Variants in SV2C observed in about 807,000 individuals in gnomAD.
SV2C encodes the protein solute carrier family 22 member B3.
In SV2C, 49 loss-of-function variants were observed where a neutral mutation model predicts 79.7. That is an observed-to-expected ratio of 0.61 (90% confidence interval 0.49 to 0.78). The LOEUF is 0.78. SV2C is among the 30% of genes least tolerant of loss of function. The probability of loss-of-function intolerance (pLI) is 0.00; values close to 1 mark genes in which losing one functional copy is unlikely to be tolerated. For missense variants in SV2C, 833 were observed against 912.9 expected (o/e 0.91, Z 1.13); for synonymous variants, 334 against 333.2 (o/e 1.00, Z -0.03).
the SV2C span, among the ~76,000 whole-genome samples, chr5:75,889,172 G>A: frequency 6.6e-6 from 1 of 151,482 alleles, no homozygotes; most frequent in African/African-American, 2.4e-5. Context: ...GTGGCATGGT[G>A]GTTTGCTGCA....
chr5:76,025,152 C>T, the SV2C span, among the ~76,000 whole-genome samples: 1,127 of 150,132 alleles, frequency 7.5e-3, 18 homozygotes, highest in African/African-American at 0.027. Context: ...AACACAAAAA[C>T]AGCTCACATG....
At chr5:76,029,019 T>A in the SV2C span, among the ~76,000 whole-genome samples, 2 of 152,064 alleles carry the variant, frequency 1.3e-5, no homozygotes, top group Non-Finnish European at 2.9e-5. Flanking sequence ...GGCTGTGGAG[T>A]GAACAAATGA....
At chr5:76,069,420 C>T in the SV2C span, among the ~76,000 whole-genome samples, 1 of 152,304 alleles carries the variant, frequency 6.6e-6, no homozygotes, top group African/African-American at 2.4e-5. Context: ...TTCAGTCAAG[C>T]CTCTGACATC....
chr5:75,995,399 G>A, the SV2C span, among the ~76,000 whole-genome samples: 1 of 152,022 alleles, frequency 6.6e-6, no homozygotes, highest in Admixed American at 6.6e-5. Flanking sequence ...AGATTTCAGA[G>A]GTTTTAAAGA....
chr5:76,287,126 A>G (rs1747383140), intron 6 of SV2C, among the ~76,000 whole-genome samples: 1 of 152,208 alleles, frequency 6.6e-6, no homozygotes, highest in South Asian at 2.1e-4. Context: ...GGCCAATTTT[A>G]TCTTGTTCTA....
chr5:76,121,620 T>G (rs1002940109), intron 1 of SV2C, among the ~76,000 whole-genome samples: 3 of 150,576 alleles, frequency 2.0e-5, no homozygotes, highest in South Asian at 2.1e-4. Context: ...ATTTATTAAA[T>G]AGGGAATCCT....
At chr5:76,334,525 T>C (rs1280750967), downstream of SV2C, among the ~76,000 whole-genome samples, 1 of 152,200 alleles carries the variant, frequency 6.6e-6, no homozygotes, top group Non-Finnish European at 1.5e-5. Flanking sequence ...ATAACATCAT[T>C]GGAGACCCAG....
intron 2 of SV2C, among the ~76,000 whole-genome samples, chr5:76,156,131 G>A (rs1013077210): frequency 4.6e-5 from 7 of 152,050 alleles, no homozygotes; most frequent in African/African-American, 1.7e-4. Flanking sequence ...CTTGGAAACT[G>A]TCTTTTCAAA....
chr5:76,178,854 T>C (rs571502008), intron 2 of SV2C, among the ~76,000 whole-genome samples: 3 of 152,196 alleles, frequency 2.0e-5, no homozygotes, highest in Non-Finnish European at 4.4e-5. Context: ...GATTTTATGG[T>C]CATAATTTCA....
the SV2C span, among the ~76,000 whole-genome samples, chr5:75,875,634 G>T: frequency 2.6e-5 from 4 of 152,118 alleles, no homozygotes; most frequent in East Asian, 7.7e-4. Flanking sequence ...TATCAACGGG[G>T]TAAACAGCCT....
chr5:76,317,950 C>T (rs1465083327), intron 12 of SV2C, among the ~76,000 whole-genome samples: 1 of 152,150 alleles, frequency 6.6e-6, no homozygotes, highest in Non-Finnish European at 1.5e-5. Flanking sequence ...AGGCACTGCC[C>T]TAAGTGCCAC....
chr5:75,985,761 C>G, the SV2C span, among the ~76,000 whole-genome samples: 1 of 151,810 alleles, frequency 6.6e-6, no homozygotes, highest in Non-Finnish European at 1.5e-5. Context: ...GTCAATGTTA[C>G]TAAGATTTGC....
the SV2C span, among the ~76,000 whole-genome samples, chr5:76,034,694 A>G: frequency 1.3e-5 from 2 of 152,182 alleles, no homozygotes; most frequent in African/African-American, 4.8e-5. Context: ...CATCAAAGAT[A>G]TTGGTCTAAA....
chr5:76,046,659 A>G, the SV2C span, among the ~76,000 whole-genome samples: 6 of 152,216 alleles, frequency 3.9e-5, no homozygotes, highest in Non-Finnish European at 7.3e-5. Flanking sequence ...CGCTATCATA[A>G]TAAGGAAGAG....
At chr5:75,921,248 A>G in the SV2C span, 3 of 1,432,716 alleles carry the variant, frequency 2.1e-6, no homozygotes, top group African/African-American at 2.8e-5. Context: ...TTTGACTTTG[A>G]TGAGGATCTG....
Position 76,122,896 on chromosome 5 carries a change from A to C in SV2C, c.-101-8754A>C, listed in dbSNP as rs1748571140. On this transcript the variant is annotated intron_variant, in intron 1 of 12. Transcript: ENST00000502798. ...ATCAGAGCAGAACTGAAGGAAATAC[A>C]AAAAAAACCCTTCAAAAAATTAATG... 4.6e-5 allele frequency among the ~76,000 whole-genome samples: 7 copies of C among 152,032 alleles called. No homozygotes were observed. In the South Asian group the frequency reaches 1.5e-3, roughly 32 times the overall value.
chr5:76,006,028 G>A, the SV2C span, among the ~76,000 whole-genome samples: 13 of 152,294 alleles, frequency 8.5e-5, no homozygotes, highest in East Asian at 1.2e-3. Flanking sequence ...CAGAGACAGC[G>A]TCTGTTTCCT....
At chr5:75,876,350 C>G in the SV2C span, among the ~76,000 whole-genome samples, 18,924 of 151,964 alleles carry the variant, frequency 0.12, 1,387 homozygotes, top group African/African-American at 0.22. Context: ...TTCTCTCTTG[C>G]AGGTGGGAGC....
chr5:75,965,755 A>G, the SV2C span, among the ~76,000 whole-genome samples: 1 of 152,060 alleles, frequency 6.6e-6, no homozygotes, highest in Non-Finnish European at 1.5e-5. Flanking sequence ...TATTCTACCT[A>G]CTATGGCATT....
Sources: allele counts gnomAD v4.1 joint callset (sites outside exome capture counted in the v4.1 genomes callset), GRCh38; gene constraint gnomAD v4.1.1; transcripts MANE v1.5; gene names NCBI Gene and HGNC (gene_info 2026-07-23, HGNC 2026-07-21).